Variants in EIF3M observed in about 807,000 individuals in gnomAD.
EIF3M encodes the protein B5 receptor.
EIF3M carries 25 observed loss-of-function variants against 49.7 expected under a neutral mutation model. The observed-to-expected ratio is 0.50, with a 90% CI of 0.37 to 0.70. EIF3M has a LOEUF of 0.70. Among genes scored for constraint, EIF3M ranks in the 30% least tolerant of loss-of-function variants. The pLI, the probability that EIF3M is intolerant of heterozygous loss-of-function variation, is 0.00. For missense variants in EIF3M, 350 were observed against 440.0 expected, an observed-to-expected ratio of 0.80 and a Z score of 1.83; for synonymous variants, 156 against 149.8, an observed-to-expected ratio of 1.04 and a Z score of -0.30.
chr11:32,602,594 T>G lies in EIF3M; in HGVS notation c.*195T>G. ...GTCATACAATACATAAATTCTGTTCTTTAAAAAAGGATATTGAAGAAGCAA... is the reference window on the plus strand; with the variant it reads ...GTCATACAATACATAAATTCTGTTCGTTAAAAAAGGATATTGAAGAAGCAA... On this transcript the variant is annotated 3_prime_UTR_variant, in exon 11 of 11. Transcript: ENST00000531120. 1 of 806,144 alleles carries G rather than the reference T, an allele frequency of 1.2e-6. No individual in the cohort carries two copies. The highest frequency in any genetic ancestry group is 1.9e-6 in the Non-Finnish European group (1 of 534,380). 49.9% of individuals were successfully genotyped at this position (806,144 alleles called of 1,614,324 possible). A position where few individuals can be genotyped will look rare whatever the true frequency, so the allele number is the denominator to read the frequency against.
intron 1 of EIF3M, among the ~76,000 whole-genome samples, chr11:32,585,710 A>G (rs1854984737): frequency 6.6e-6 from 1 of 152,120 alleles, no homozygotes. Context: ...AATTTTGCTT[A>G]TAATACCAAC....
Position 32,600,683 on chromosome 11 carries a change from T to C in EIF3M, c.800-6T>C. The C allele has an allele frequency of 6.2e-7, 1 of 1,603,716 alleles. No individual in the cohort carries two copies. The highest frequency in any genetic ancestry group is 8.5e-7 in the Non-Finnish European group (1 of 1,175,780). ...ACTCATCAGGCTTCACTATTCTGTT[T>C]TCTAGGCCTGTTACATGAACAGAAT... On this transcript the variant is annotated splice_polypyrimidine_tract_variant and splice_region_variant and intron_variant, in intron 8 of 10. Transcript: ENST00000531120.
Position 32,594,045 on chromosome 11 carries a change from A to G in EIF3M, c.617+96A>G, listed in dbSNP as rs112986180. On this transcript the variant is annotated intron_variant, in intron 6 of 10. Coordinates refer to ENST00000531120, the MANE Select transcript of EIF3M (RefSeq NM_006360.6). ...AACTGAAATCATGTTTGCAACTACC[A>G]GTGATCCAGAGCCATTTGATAGTGT... 128 of 749,858 alleles carry G rather than the reference A, an allele frequency of 1.7e-4. 1 individual carries two copies. Among genetic ancestry groups the G allele is most frequent in the African/African-American group, 1.6e-3 (90 of 55,054 alleles). 46.5% of individuals were successfully genotyped at this position (749,858 alleles called of 1,614,324 possible).
At chr11:32,585,422 G>A (rs1341576342) in intron 1 of EIF3M, among the ~76,000 whole-genome samples, 1 of 152,116 alleles carries the variant, frequency 6.6e-6, no homozygotes, top group East Asian at 1.9e-4. Context: ...AGTCCTTTCA[G>A]GGAAATATGA....
intron 7 of EIF3M, 144 bp from the exon 8 acceptor site, chr11:32,595,822 T>A (rs1219049347): frequency 1.6e-6 from 1 of 608,772 alleles, no homozygotes; most frequent in Non-Finnish European, 2.8e-6. Context: ...GGTTTGGTAA[T>A]TTGATGAAAC....
Position 32,602,722 on chromosome 11 carries a change from A to C in EIF3M, c.*323A>C. ...TTGGAAAAGCAAAGACAAACTGTAG[A>C]GCTTTAAATACAACAGTCATTTTAT... On this transcript the variant is annotated 3_prime_UTR_variant, in exon 11 of 11. Transcript: ENST00000531120. 9.6e-7 allele frequency: 1 copy of C among 1,040,978 alleles called. No individual in the cohort carries two copies. Among genetic ancestry groups the C allele is most frequent in the Non-Finnish European group, 1.4e-6 (1 of 730,396 alleles). 64.5% of individuals were successfully genotyped at this position (1,040,978 alleles called of 1,614,324 possible). A position where few individuals can be genotyped will look rare whatever the true frequency, so the allele number is the denominator to read the frequency against.
At chr11:32,596,600 C>CAAAAAA (rs35206274) in intron 8 of EIF3M, among the ~76,000 whole-genome samples, 1 of 116,392 alleles carries the variant, frequency 8.6e-6, no homozygotes, top group African/African-American at 3.2e-5. Context: ...GAGTCTGTCT[C>CAAAAAA]AAAAAAAAAA....
intron 1 of EIF3M, 86 bp from the exon 2 acceptor site, chr11:32,586,926 C>T (rs1855009080): frequency 2.0e-6 from 3 of 1,465,038 alleles, no homozygotes; most frequent in East Asian, 2.4e-5. Flanking sequence ...ACAGTATTTC[C>T]GTTTTAGTTT....
At chr11:32,592,501 T>C (rs1855118930) in intron 5 of EIF3M, 1 of 524,596 alleles carries the variant, frequency 1.9e-6, no homozygotes, top group African/African-American at 1.9e-5. Flanking sequence ...CAGAACTCTC[T>C]CTAGAAACAG....
At chr11:32,591,571 G>A (rs1855103413) in intron 5 of EIF3M, among the ~76,000 whole-genome samples, 1 of 152,174 alleles carries the variant, frequency 6.6e-6, no homozygotes, top group Admixed American at 6.5e-5. Context: ...AATCAATAGT[G>A]CACTTTTTGC....
chr11:32,605,115 GTGT>G lies in EIF3M; in HGVS notation c.*2719_*2721del, dbSNP rs796635789. On this transcript the variant is annotated 3_prime_UTR_variant, in exon 11 of 11. Transcript: ENST00000531120. ...GATCCACCTGCCTCGGCCTCCCAAA[GTGT>G]TGGGATTACAGGCATGAGCCACCCT... 4.0e-5 allele frequency: 6 copies of G among 149,970 alleles called. No homozygotes were observed. Among genetic ancestry groups the G allele is most frequent in the African/African-American group, 1.5e-4 (6 of 40,762 alleles). The allele number at this position is 149,970 out of a possible 1,614,324, so 9.3% of individuals were successfully genotyped here. A position where few individuals can be genotyped will look rare whatever the true frequency, so the allele number is the denominator to read the frequency against.
rs117038056 is a variant in EIF3M, at chr11:32,602,428, G to T, written c.*29G>T. 11,499 of 1,585,480 alleles carry T rather than the reference G, an allele frequency of 7.3e-3. 52 individuals are homozygous for T. The highest frequency in any genetic ancestry group is 8.5e-3 in the Non-Finnish European group (9,909 of 1,167,434). Reference sequence around the variant, plus strand: ...TTTATGCTTATAATTTTTGTTCTTTGAAAAAAAAGCCCTAAATCATAGTAA... The same window carrying T: ...TTTATGCTTATAATTTTTGTTCTTTTAAAAAAAAGCCCTAAATCATAGTAA... On this transcript the variant is annotated 3_prime_UTR_variant, in exon 11 of 11. Transcript: ENST00000531120.
chr11:32,589,121 A>T lies in EIF3M; in HGVS notation c.424A>T (p.Thr142Ser). 1 of 1,614,198 alleles carries T rather than the reference A, an allele frequency of 6.2e-7. No individual in the cohort carries two copies. Residue 142 changes from threonine (T) to serine (S), a missense_variant, in exon 4 of 11, where the codon ACT becomes TCT. Thr to Ser is a moderately conservative substitution (Grantham distance 58). Transcript: ENST00000531120. ...ASCGAIQYIP[T>S]ELDQVRKWIS... ...TTGTGGGGCCATCCAGTACATCCCAACTGAGCTGGATCAAGTGAGTTACTG... is the reference window on the plus strand; with the variant it reads ...TTGTGGGGCCATCCAGTACATCCCATCTGAGCTGGATCAAGTGAGTTACTG...
intron 8 of EIF3M, among the ~76,000 whole-genome samples, chr11:32,597,956 G>A (rs1855205026): frequency 6.6e-6 from 1 of 152,046 alleles, no homozygotes; most frequent in Non-Finnish European, 1.5e-5. Flanking sequence ...TTGGAATTGG[G>A]GAAGATTGAC....
intron 1 of EIF3M, among the ~76,000 whole-genome samples, chr11:32,585,236 T>G (rs1246353650): frequency 6.6e-6 from 1 of 151,986 alleles, no homozygotes; most frequent in Non-Finnish European, 1.5e-5. Flanking sequence ...GATACCTGAT[T>G]AGAAATGGAA....
At chr11:32,590,139 G>A (rs537376644) in intron 5 of EIF3M, among the ~76,000 whole-genome samples, 3 of 152,144 alleles carry the variant, frequency 2.0e-5, no homozygotes, top group Non-Finnish European at 4.4e-5. Flanking sequence ...TCTATAGCCC[G>A]TGTACTAAGA....
intron 10 of EIF3M, 67 bp downstream of exon 10, chr11:32,601,889 A>ATGTT: frequency 6.5e-7 from 1 of 1,529,226 alleles, no homozygotes; most frequent in Non-Finnish European, 9.0e-7. Context: ...TTTCACTTAA[A>ATGTT]TGTTTAGAGA....
At chr11:32,584,174 A>G in intron 1 of EIF3M, 2 of 577,330 alleles carry the variant, frequency 3.5e-6, no homozygotes, top group Non-Finnish European at 6.2e-6. Context: ...GTCGGGACTC[A>G]TTTCTGACGA....
chr11:32,594,172 G>C (rs79909167), intron 6 of EIF3M: 3,952 of 341,000 alleles, frequency 0.012, 42 homozygotes, highest in Non-Finnish European at 0.018. Context: ...TACCTGGCGG[G>C]GGGGGTATTG....
Sources: allele counts gnomAD v4.1 joint callset (sites outside exome capture counted in the v4.1 genomes callset), GRCh38; gene constraint gnomAD v4.1.1; transcripts MANE v1.5; gene names NCBI Gene and HGNC (gene_info 2026-07-23, HGNC 2026-07-21).